The following CYP2C18 variants were observed in gnomAD, a reference collection of about 807,000 sequenced individuals.
CYP2C18 encodes cytochrome P450 2C18.
A neutral mutation model predicts 41.3 loss-of-function variants in CYP2C18; 38 were observed. The ratio of observed to expected loss-of-function variants is 0.92; its 90% CI spans 0.71 to 1.21. CYP2C18 has a LOEUF of 1.21. Ranked by LOEUF, CYP2C18 falls within the 50% of genes most tolerant of loss-of-function variation. CYP2C18 has a pLI of 0.00. For synonymous variants in CYP2C18, 236 were observed against 210.0 expected (o/e 1.12, Z -1.07); for missense variants, 635 against 591.4 (o/e 1.07, Z -0.77).
rs1161991742 is a variant in CYP2C18, at chr10:94,735,244, C to A, written c.1292-19C>A. 1.9e-6 allele frequency: 3 copies of A among 1,612,378 alleles called. No homozygotes were observed. The highest frequency in any genetic ancestry group is 1.7e-6 in the Non-Finnish European group (2 of 1,178,836). ...ACCTAATGTTCAAGGAACAAATCCC[C>A]TATGTCTCTTATTTTCAGGAAAACG... On this transcript the variant is annotated intron_variant, in intron 8 of 8. Transcript: ENST00000285979.
chr10:94,686,719 C>CT (rs914528311), intron 1 of CYP2C18, among the ~76,000 whole-genome samples: 1 of 152,054 alleles, frequency 6.6e-6, no homozygotes, highest in African/African-American at 2.4e-5. Context: ...GTATGTTTTT[C>CT]TTTTTTGTCA....
intron 5 of CYP2C18, among the ~76,000 whole-genome samples, chr10:94,712,554 T>C (rs929471562): frequency 3.3e-5 from 5 of 152,196 alleles, no homozygotes; most frequent in Non-Finnish European, 7.3e-5. Context: ...TATTCTATTG[T>C]GTATATATAC....
intron 5 of CYP2C18, among the ~76,000 whole-genome samples, chr10:94,718,763 C>A (rs1428433474): frequency 6.6e-6 from 1 of 152,084 alleles, no homozygotes. Context: ...AATACTGGTA[C>A]TTTTTCCAGT....
rs1846916757 is a variant in CYP2C18, at chr10:94,687,778, A to C, written c.177A>C (p.Lys59Asn). Reference protein sequence around the residue: ...DMSKSLTNFSKVYGPVFTVYF... With the variant: ...DMSKSLTNFSNVYGPVFTVYF... ...TCCTTTTCTATGTTTAGTTCTCAAA[A>C]GTCTATGGCCCTGTGTTCACTGTGT... The change falls in exon 2 of 9, where the codon AAA becomes AAC. Residue 59 changes from lysine to asparagine, a missense_variant. Coordinates refer to ENST00000285979, the MANE Select transcript of CYP2C18 (RefSeq NM_000772.3). 1 of 1,610,992 alleles carries C rather than the reference A, an allele frequency of 6.2e-7. No individual in the cohort carries two copies. The highest frequency in any genetic ancestry group is 8.5e-7 in the Non-Finnish European group (1 of 1,178,898).
rs752307021 is a variant in CYP2C18 at position 94,688,221 on chromosome 10, A to G, written c.428A>G (p.Asp143Gly). 7 of 1,613,660 alleles carry G rather than the reference A, an allele frequency of 4.3e-6. No homozygotes were observed. Among genetic ancestry groups the G allele is most frequent in the Non-Finnish European group, 5.9e-6 (7 of 1,179,736 alleles). ...NFGMGKRSIEDRVQEEARCLV... is the reference protein window; with the variant it reads ...NFGMGKRSIEGRVQEEARCLV... ...GGGATGGGGAAGAGGAGCATCGAGG[A>G]CCGTGTTCAAGAGGAAGCCCGCTGC... The change falls in exon 3 of 9, where the codon GAC becomes GGC. Residue 143 changes from aspartate to glycine, a missense_variant. Asp to Gly is a moderately conservative substitution (Grantham distance 94). Transcript: ENST00000285979.
intron 6 of CYP2C18, 45 bp downstream of exon 6, chr10:94,720,582 G>A (rs1277404563): frequency 1.9e-6 from 3 of 1,574,544 alleles, no homozygotes; most frequent in Admixed American, 1.7e-5. Flanking sequence ...CAGAAAAGAT[G>A]TTGGGAAGAC....
rs568217968 is a variant in CYP2C18, at chr10:94,708,537, C to A, written c.819+1577C>A. Among the ~76,000 whole-genome samples, 15 of 152,208 alleles carry A rather than the reference C, an allele frequency of 9.9e-5. No homozygotes were observed. In the South Asian group the frequency reaches 2.5e-3, roughly 25 times the overall value. On this transcript the variant is annotated intron_variant, in intron 5 of 8. Transcript: ENST00000285979. ...TTAAAAAGTGCATTGTTCCTTTGACCTCACTATAATATTTAGAATCTAGCT... is the reference window on the plus strand; with the variant it reads ...TTAAAAAGTGCATTGTTCCTTTGACATCACTATAATATTTAGAATCTAGCT...
At chr10:94,729,131 G>A (rs10509675) in intron 7 of CYP2C18, among the ~76,000 whole-genome samples, 30,484 of 152,038 alleles carry the variant, frequency 0.2, 3,259 homozygotes, top group Middle Eastern at 0.23. Flanking sequence ...TGATGGTCCA[G>A]TATGAAGAGA....
chr10:94,685,805 A>G (rs1177626267), intron 1 of CYP2C18, among the ~76,000 whole-genome samples: 1 of 152,064 alleles, frequency 6.6e-6, no homozygotes, highest in African/African-American at 2.4e-5. Context: ...GCTTTGTAAC[A>G]TATTTTGCAG....
intron 7 of CYP2C18, among the ~76,000 whole-genome samples, chr10:94,729,612 C>T (rs371937892): frequency 5.9e-5 from 9 of 152,136 alleles, no homozygotes; most frequent in East Asian, 3.9e-4. Flanking sequence ...ATTATCAATT[C>T]GAAAAACAGT....
chr10:94,713,305 A>T (rs1039972932), intron 5 of CYP2C18, among the ~76,000 whole-genome samples: 54 of 152,028 alleles, frequency 3.6e-4, no homozygotes, highest in African/African-American at 1.3e-3. Context: ...TACATTAGGT[A>T]TATCTCTTAA....
intron 5 of CYP2C18, among the ~76,000 whole-genome samples, chr10:94,709,937 T>C (rs557372456): frequency 2.0e-4 from 31 of 152,314 alleles, no homozygotes; most frequent in African/African-American, 7.5e-4. Flanking sequence ...AGACTCTAAA[T>C]TCTATTTCAT....
chr10:94,705,562 A>T (rs1011142474), intron 4 of CYP2C18, among the ~76,000 whole-genome samples: 1 of 151,990 alleles, frequency 6.6e-6, no homozygotes, highest in African/African-American at 2.4e-5. Flanking sequence ...TTAAGTTGCC[A>T]TTTTTTTTAT....
At position 94,733,390 on chromosome 10, in the gene CYP2C18, A is replaced by G. The variant is rs1481349744; in HGVS notation, c.1243A>G (p.Lys415Glu). The change falls in exon 8 of 9, where the codon AAG becomes GAG. Residue 415 changes from lysine to glutamate, a missense_variant. Coordinates refer to ENST00000285979, the MANE Select transcript of CYP2C18 (RefSeq NM_000772.3). ...EMFDPGHFLD[K>E]SGNFKKSDYF... ...GTTTGACCCTGGCCACTTTCTGGAT[A>G]AGAGTGGCAACTTTAAGAAAAGTGA... 6.2e-7 allele frequency: 1 copy of G among 1,613,278 alleles called. No homozygotes were observed. Among genetic ancestry groups the G allele is most frequent in the African/African-American group, 1.3e-5 (1 of 74,862 alleles).
chr10:94,708,899 A>G (rs1226957147), intron 5 of CYP2C18, among the ~76,000 whole-genome samples: 3 of 152,212 alleles, frequency 2.0e-5, no homozygotes, highest in Non-Finnish European at 4.4e-5. Flanking sequence ...CATAGCATGT[A>G]TCAGTACCTC....
chr10:94,692,901 C>CCT (rs1847034104), intron 3 of CYP2C18, among the ~76,000 whole-genome samples: 1 of 151,992 alleles, frequency 6.6e-6, no homozygotes, highest in Non-Finnish European at 1.5e-5. Context: ...AACCATCATT[C>CCT]TGAGCAAACT....
chr10:94,684,414 T>A (rs1430353217), intron 1 of CYP2C18, among the ~76,000 whole-genome samples: 4 of 152,174 alleles, frequency 2.6e-5, no homozygotes, highest in Admixed American at 2.0e-4. Context: ...TGAGTTTAAC[T>A]TTTTAAGATT....
At position 94,686,020 on chromosome 10, in the gene CYP2C18, T is replaced by C. The variant is rs543386803; in HGVS notation, c.169-1750T>C. ...TTCCACTATTAGTTTTTCCAATCCA[T>C]GAACATGGGATATCTTTGCCTTTAT... On this transcript the variant is annotated intron_variant, in intron 1 of 8. Coordinates refer to ENST00000285979, the MANE Select transcript of CYP2C18 (RefSeq NM_000772.3). Among the ~76,000 whole-genome samples the C allele has an allele frequency of 6.6e-5, 10 of 152,280 alleles. No homozygotes were observed. The South Asian group carries it at 2.1e-3, about 32-fold the overall frequency.
At chr10:94,696,548 C>A (rs1252142653) in intron 4 of CYP2C18, among the ~76,000 whole-genome samples, 3 of 152,086 alleles carry the variant, frequency 2.0e-5, no homozygotes, top group African/African-American at 7.2e-5. Flanking sequence ...AGCCGAAAAA[C>A]TGGAAACTCT....
Sources: allele counts gnomAD v4.1 joint callset (sites outside exome capture counted in the v4.1 genomes callset), GRCh38; gene constraint gnomAD v4.1.1; transcripts MANE v1.5; gene names NCBI Gene and HGNC (gene_info 2026-07-23, HGNC 2026-07-21).